The following PTPN20 variants were observed in gnomAD, a reference collection of about 807,000 sequenced individuals.
PTPN20 encodes the protein protein tyrosine phosphatase non-receptor type 20, also known as tyrosine-protein phosphatase non-receptor type 20.
A neutral mutation model predicts 35.0 loss-of-function variants in PTPN20; 9 were observed. The observed-to-expected ratio is 0.26, with a 90% CI of 0.15 to 0.45. The LOEUF is 0.45. Among genes scored for constraint, PTPN20 ranks in the 20% least tolerant of loss-of-function variants. The probability of loss-of-function intolerance (pLI) is 1.00; values close to 1 mark genes in which losing one functional copy is unlikely to be tolerated. For synonymous variants in PTPN20, 32 were observed against 100.2 expected (o/e 0.32, Z 4.06); for missense variants, 111 against 312.5 (o/e 0.36, Z 4.86).
intron 1 of PTPN20, among the ~76,000 whole-genome samples, chr10:46,932,062 T>TTGTGTGTG (rs71023200): frequency 1.5e-4 from 20 of 133,708 alleles, no homozygotes; most frequent in African/African-American, 4.8e-4. Context: ...TTGATTGAAT[T>TTGTGTGTG]TGTGTGTGTG....
At chr10:46,950,587 A>G (rs1171605921) in intron 5 of PTPN20, among the ~76,000 whole-genome samples, 2 of 152,086 alleles carry the variant, frequency 1.3e-5, no homozygotes, top group East Asian at 1.9e-4. Context: ...ATTTTACTTA[A>G]TTATTATTTT....
intron 7 of PTPN20, among the ~76,000 whole-genome samples, chr10:46,972,005 G>A (rs2052302903): frequency 1.1e-5 from 1 of 87,374 alleles, no homozygotes; most frequent in African/African-American, 4.3e-5. Context: ...AACCCTAGGA[G>A]AAAACGTTAC....
intron 7 of PTPN20, among the ~76,000 whole-genome samples, chr10:46,971,434 T>TCAA (rs1421081709): frequency 1.7e-4 from 3 of 17,472 alleles, no homozygotes; most frequent in African/African-American, 7.1e-4. Flanking sequence ...AGACTCCGTC[T>TCAA]CAACAACAAC....
chr10:46,959,767 A>C (rs2049405774), intron 5 of PTPN20, among the ~76,000 whole-genome samples: 1 of 131,632 alleles, frequency 7.6e-6, no homozygotes, highest in Non-Finnish European at 1.6e-5. Context: ...ATACAAAAAA[A>C]AAAAAACTGT....
chr10:46,953,109 A>G (rs1555148112), intron 5 of PTPN20, among the ~76,000 whole-genome samples: 1 of 143,468 alleles, frequency 7.0e-6, no homozygotes, highest in East Asian at 2.0e-4. Context: ...GTGCTATTGT[A>G]AATGAGACTT....
intron 5 of PTPN20, among the ~76,000 whole-genome samples, chr10:46,947,095 TAATA>T (rs1340331626): frequency 6.9e-6 from 1 of 145,190 alleles, no homozygotes; most frequent in African/African-American, 2.5e-5. Flanking sequence ...AACAAATATA[TAATA>T]AATTATAATA....
At chr10:46,997,753 A>G (rs2059395650) in intron 9 of PTPN20, among the ~76,000 whole-genome samples, 1 of 152,194 alleles carries the variant, frequency 6.6e-6, no homozygotes, top group Non-Finnish European at 1.5e-5. Context: ...GGTAAAAGAC[A>G]TGAACAGACA....
intron 4 of PTPN20, among the ~76,000 whole-genome samples, chr10:46,944,950 A>G (rs1318532373): frequency 2.1e-5 from 3 of 143,542 alleles, no homozygotes; most frequent in Non-Finnish European, 3.0e-5. Context: ...TTCTTTGAAG[A>G]AAAGATATTT....
intron 2 of PTPN20, among the ~76,000 whole-genome samples, chr10:46,939,914 A>T (rs2042915115): frequency 6.6e-6 from 1 of 152,124 alleles, no homozygotes; most frequent in Non-Finnish European, 1.5e-5. Flanking sequence ...TGTTTACTAT[A>T]TTTTTATTGA....
At chr10:46,923,662 T>C (rs2132485398) in intron 1 of PTPN20, among the ~76,000 whole-genome samples, 1 of 151,578 alleles carries the variant, frequency 6.6e-6, no homozygotes, top group African/African-American at 2.4e-5. Context: ...AGTATTTTGT[T>C]GATTATTTTG....
At chr10:46,963,790 T>C (rs1169881094) in intron 5 of PTPN20, among the ~76,000 whole-genome samples, 1 of 88,710 alleles carries the variant, frequency 1.1e-5, no homozygotes, top group Admixed American at 1.0e-4. Flanking sequence ...ACAGTCATTC[T>C]ACATTTTCAT....
chr10:46,939,787 T>G (rs1489050608), intron 2 of PTPN20, among the ~76,000 whole-genome samples: 3 of 150,614 alleles, frequency 2.0e-5, no homozygotes, highest in African/African-American at 7.3e-5. Context: ...CCTTCATTGA[T>G]ATTTCTTAAT....
chr10:46,998,827 T>TAA (rs2059596523), intron 9 of PTPN20, among the ~76,000 whole-genome samples: 1 of 115,448 alleles, frequency 8.7e-6, no homozygotes, highest in Non-Finnish European at 1.8e-5. Context: ...TATTATAAAA[T>TAA]AAAATTTTTT....
chr10:46,983,174 T>A (rs1354061789), intron 7 of PTPN20, among the ~76,000 whole-genome samples: 1 of 151,548 alleles, frequency 6.6e-6, no homozygotes, highest in Non-Finnish European at 1.5e-5. Context: ...CCTCCCTGGT[T>A]CAAGCGATTC....
chr10:46,977,602 A>G (rs2054169113), intron 7 of PTPN20, among the ~76,000 whole-genome samples: 1 of 145,472 alleles, frequency 6.9e-6, no homozygotes, highest in African/African-American at 2.5e-5. Flanking sequence ...GGGCATCTGT[A>G]TTTGATACCT....
chr10:46,932,496 C>T lies in PTPN20; in HGVS notation c.-4C>T, dbSNP rs1452819361. The stretch of plus-strand genomic sequence containing the variant: ...ACCAGTCTCATTTAGGGGATGGGAA[C>T]AACATGTCTTCACCTAGGGACTTTA... On this transcript the variant is annotated 5_prime_UTR_variant, in exon 2 of 11. Transcript: ENST00000374339. 1 of 1,611,966 alleles carries T rather than the reference C, an allele frequency of 6.2e-7. No individual in the cohort carries two copies. The highest frequency in any genetic ancestry group is 1.3e-5 in the African/African-American group (1 of 74,950).
intron 5 of PTPN20, among the ~76,000 whole-genome samples, chr10:46,950,342 C>T (rs2046291618): frequency 6.6e-6 from 1 of 150,834 alleles, no homozygotes; most frequent in South Asian, 2.1e-4. Flanking sequence ...AACCCAGATG[C>T]AGTCTTAGCA....
rs1405409806 is a variant in PTPN20 at position 47,001,753 on chromosome 10, A to G, written c.*1012A>G. The G allele has an allele frequency of 4.6e-5, 7 of 152,184 alleles. No individual in the cohort carries two copies. Among genetic ancestry groups the G allele is most frequent in the African/African-American group, 1.4e-4 (6 of 41,542 alleles). The allele number at this position is 152,184 out of a possible 1,614,324, so 9.4% of individuals were successfully genotyped here. A position where few individuals can be genotyped will look rare whatever the true frequency, so the allele number is the denominator to read the frequency against. ...ACTGGATTTGGGAACCCAATTTTGG[A>G]AAACCAGATTCATAGTCATGAAAAT... On this transcript the variant is annotated 3_prime_UTR_variant, in exon 11 of 11. Coordinates refer to ENST00000374339, the MANE Select transcript of PTPN20 (RefSeq NM_001042357.5).
intron 7 of PTPN20, among the ~76,000 whole-genome samples, chr10:46,975,558 T>C (rs1236885722): frequency 6.6e-6 from 1 of 152,042 alleles, no homozygotes; most frequent in Non-Finnish European, 1.5e-5. Flanking sequence ...ATAAGTAATT[T>C]TCTCACTTTC....
Sources: gnomAD v4.1 joint callset for allele counts (sites outside exome capture counted in the v4.1 genomes callset) on GRCh38, gnomAD v4.1.1 for gene constraint, MANE v1.5 for transcripts, NCBI Gene and HGNC (gene_info 2026-07-23, HGNC 2026-07-21) for gene names.